The following PRKCE variants were observed in gnomAD, a reference collection of about 807,000 sequenced individuals.
PRKCE encodes the protein protein kinase C epsilon type.
In PRKCE, 16 loss-of-function variants were observed where a neutral mutation model predicts 85.4. That is an observed-to-expected ratio of 0.19 (90% CI 0.13 to 0.28). PRKCE has a LOEUF of 0.28. PRKCE is among the 10% of genes least tolerant of loss of function. The probability of loss-of-function intolerance (pLI) is 1.00; values close to 1 mark genes in which losing one functional copy is unlikely to be tolerated. For synonymous variants in PRKCE, 388 were observed against 371.5 expected, an observed-to-expected ratio of 1.04 and a Z score of -0.51; for missense variants, 573 against 975.2, an observed-to-expected ratio of 0.59 and a Z score of 5.49.
At chr2:45,932,219 T>G (rs531069534) in intron 2 of PRKCE, among the ~76,000 whole-genome samples, 5 of 152,356 alleles carry the variant, frequency 3.3e-5, no homozygotes, top group Non-Finnish European at 7.3e-5. Flanking sequence ...CATTCAACAT[T>G]AGGTTTCTGA....
rs1682946621 is a variant in PRKCE, at chr2:45,744,501, TTTC to T, written c.348+92056_348+92058del. Among the ~76,000 whole-genome samples, 49 of 28,810 alleles carry T rather than the reference TTTC, an allele frequency of 1.7e-3. 3 individuals carry two copies. Among genetic ancestry groups the T allele is most frequent in the Non-Finnish European group, 3.0e-3 (40 of 13,438 alleles). 18.9% of individuals were successfully genotyped at this position (28,810 alleles called of 152,430 possible). ...TCTTTCTTTCTTTTTCTTTCTTTCT[TTTC>T]TTTCTTTCTTTCTTTCTTTCTTTTT... On this transcript the variant is annotated intron_variant, in intron 1 of 14. Coordinates refer to ENST00000306156, the MANE Select transcript of PRKCE (RefSeq NM_005400.3).
intron 9 of PRKCE, among the ~76,000 whole-genome samples, chr2:46,008,525 C>T (rs534289340): frequency 3.9e-5 from 6 of 152,132 alleles, no homozygotes; most frequent in Non-Finnish European, 7.4e-5. Context: ...GGAGGTCCTG[C>T]TCTGGGGACC....
At chr2:46,125,310 TTTGG>T (rs1358266457) in intron 11 of PRKCE, among the ~76,000 whole-genome samples, 1 of 152,138 alleles carries the variant, frequency 6.6e-6, no homozygotes, top group African/African-American at 2.4e-5. Context: ...AGGAGGACTG[TTTGG>T]TTGCTGATGT....
At chr2:45,731,437 G>A (rs1681564495) in intron 1 of PRKCE, among the ~76,000 whole-genome samples, 1 of 152,080 alleles carries the variant, frequency 6.6e-6, no homozygotes, top group Admixed American at 6.6e-5. Context: ...CATTTGTCTG[G>A]AGGTTTTTCA....
chr2:45,941,771 T>C (rs962447941), intron 2 of PRKCE, among the ~76,000 whole-genome samples: 2 of 152,126 alleles, frequency 1.3e-5, no homozygotes, highest in Non-Finnish European at 2.9e-5. Flanking sequence ...AGATAACCTC[T>C]ACGGTCCACT....
At chr2:46,112,499 T>TTG (rs1057340627) in intron 11 of PRKCE, among the ~76,000 whole-genome samples, 2 of 140,684 alleles carry the variant, frequency 1.4e-5, no homozygotes, top group African/African-American at 5.3e-5. Flanking sequence ...TTGGTTTTTT[T>TTG]TTTGTTTGTT....
chr2:46,050,950 CCCTT>C (rs921331284), intron 10 of PRKCE, among the ~76,000 whole-genome samples: 3 of 152,182 alleles, frequency 2.0e-5, no homozygotes, highest in Admixed American at 1.3e-4. Flanking sequence ...TTGTGGTCCT[CCCTT>C]CCTTTCACTT....
intron 2 of PRKCE, among the ~76,000 whole-genome samples, chr2:45,874,802 T>A (rs1694349207): frequency 6.6e-6 from 1 of 152,128 alleles, no homozygotes; most frequent in Admixed American, 6.5e-5. Flanking sequence ...TGGCACTTGA[T>A]CTCAGATTTC....
chr2:45,986,491 C>T (rs1300651561), intron 6 of PRKCE, among the ~76,000 whole-genome samples: 1 of 151,962 alleles, frequency 6.6e-6, no homozygotes, highest in Non-Finnish European at 1.5e-5. Context: ...AGCCTGGCTA[C>T]CAGGCCTGGG....
intron 2 of PRKCE, among the ~76,000 whole-genome samples, chr2:45,912,426 TGCTTAGC>T (rs1436710070): frequency 6.6e-6 from 1 of 152,158 alleles, no homozygotes; most frequent in Non-Finnish European, 1.5e-5. Context: ...ATCCCGGGCC[TGCTTAGC>T]CTTCACTTGG....
At chr2:46,012,073 T>C (rs1705727990) in intron 10 of PRKCE, among the ~76,000 whole-genome samples, 1 of 152,228 alleles carries the variant, frequency 6.6e-6, no homozygotes, top group Admixed American at 6.5e-5. Context: ...TTTGTGTGTG[T>C]ACAGAATCCT....
intron 11 of PRKCE, among the ~76,000 whole-genome samples, chr2:46,111,468 C>T (rs1459114217): frequency 2.0e-5 from 3 of 152,120 alleles, no homozygotes; most frequent in Non-Finnish European, 4.4e-5. Context: ...AAAGGAACTC[C>T]GTTCCTTTTA....
chr2:46,060,042 T>C (rs1016365245), intron 10 of PRKCE, among the ~76,000 whole-genome samples: 16 of 152,188 alleles, frequency 1.1e-4, no homozygotes, highest in African/African-American at 3.9e-4. Context: ...TGGGAAAAAT[T>C]AAAACCAAAT....
At chr2:45,990,486 C>A (rs1004469609) in intron 6 of PRKCE, among the ~76,000 whole-genome samples, 4 of 152,160 alleles carry the variant, frequency 2.6e-5, no homozygotes, top group Non-Finnish European at 5.9e-5. Context: ...GCCTGGCACA[C>A]CTGCACCTCC....
At chr2:45,787,766 A>G (rs922661730) in intron 1 of PRKCE, among the ~76,000 whole-genome samples, 1 of 152,194 alleles carries the variant, frequency 6.6e-6, no homozygotes, top group African/African-American at 2.4e-5. Context: ...TAACCATCCC[A>G]TGGATTTTTG....
chr2:45,849,650 C>G (rs1692084649), intron 2 of PRKCE, among the ~76,000 whole-genome samples: 1 of 152,200 alleles, frequency 6.6e-6, no homozygotes, highest in African/African-American at 2.4e-5. Flanking sequence ...TGATCCTGTT[C>G]ACCACACAGA....
intron 11 of PRKCE, among the ~76,000 whole-genome samples, chr2:46,140,419 A>C (rs1675400981): frequency 6.6e-6 from 1 of 152,216 alleles, no homozygotes; most frequent in Admixed American, 6.5e-5. Context: ...TATTTCAATC[A>C]GTGAGGAAAA....
intron 11 of PRKCE, among the ~76,000 whole-genome samples, chr2:46,123,365 G>A (rs1421599544): frequency 6.6e-6 from 1 of 151,800 alleles, no homozygotes; most frequent in Non-Finnish European, 1.5e-5. Flanking sequence ...GCTGAAATGA[G>A]GATCATTTGG....
chr2:45,970,732 T>C (rs1022526456), intron 2 of PRKCE, among the ~76,000 whole-genome samples: 1 of 152,076 alleles, frequency 6.6e-6, no homozygotes, highest in African/African-American at 2.4e-5. Context: ...GACTCTGTTA[T>C]TGTGATTATG....
Sources: allele counts gnomAD v4.1 joint callset (sites outside exome capture counted in the v4.1 genomes callset), GRCh38; gene constraint gnomAD v4.1.1; transcripts MANE v1.5; gene names NCBI Gene and HGNC (gene_info 2026-07-23, HGNC 2026-07-21).